DISC1: variants seen among roughly 807,000 people sequenced by gnomAD.
DISC1 encodes the protein disrupted in schizophrenia 1 protein.
In DISC1, 57 loss-of-function variants were observed where a neutral mutation model predicts 84.5. That is an observed-to-expected ratio of 0.67 (90% confidence interval 0.55 to 0.84). DISC1 has a LOEUF of 0.84. DISC1 is among the 40% of genes least tolerant of loss of function. The probability of loss-of-function intolerance (pLI) is 0.00; values close to 1 mark genes in which losing one functional copy is unlikely to be tolerated. For missense variants in DISC1, 1,000 were observed against 1,057.8 expected (o/e 0.95, Z 0.76); for synonymous variants, 411 against 415.2 (o/e 0.99, Z 0.12).
intron 8 of DISC1, among the ~76,000 whole-genome samples, chr1:231,804,609 C>T (rs1282025485): frequency 1.3e-5 from 2 of 152,140 alleles, no homozygotes; most frequent in Non-Finnish European, 2.9e-5. Flanking sequence ...GCATGAGCTC[C>T]TGGCTCAATG....
chr1:231,877,863 A>G (rs77142592), intron 9 of DISC1, among the ~76,000 whole-genome samples: 3 of 152,348 alleles, frequency 2.0e-5, no homozygotes, highest in Non-Finnish European at 4.4e-5. Context: ...AGATGAAAAT[A>G]AAAAATGACT....
At chr1:231,984,477 T>C (rs952726202) in intron 10 of DISC1, among the ~76,000 whole-genome samples, 1 of 152,148 alleles carries the variant, frequency 6.6e-6, no homozygotes, top group Non-Finnish European at 1.5e-5. Flanking sequence ...GATAAAATGT[T>C]CCTCATCCCT....
At chr1:231,790,445 A>G (rs994255005) in intron 6 of DISC1, among the ~76,000 whole-genome samples, 5 of 151,976 alleles carry the variant, frequency 3.3e-5, no homozygotes, top group Admixed American at 2.6e-4. Context: ...TGGCTTGCAG[A>G]CAGCTGTCTT....
At chr1:232,013,865 T>G (rs2103011620) in intron 11 of DISC1, among the ~76,000 whole-genome samples, 1 of 152,238 alleles carries the variant, frequency 6.6e-6, no homozygotes, top group South Asian at 2.1e-4. Flanking sequence ...GAGTCCTAGT[T>G]TCTAAGACTG....
At chr1:231,951,744 A>G (rs1238133519) in intron 9 of DISC1, among the ~76,000 whole-genome samples, 13 of 152,186 alleles carry the variant, frequency 8.5e-5, no homozygotes, top group Admixed American at 7.9e-4. Context: ...AGTGCCTAAC[A>G]TGGAATCTGG....
At chr1:231,686,650 G>A (rs1388656141) in intron 1 of DISC1, among the ~76,000 whole-genome samples, 1 of 152,178 alleles carries the variant, frequency 6.6e-6, no homozygotes, top group Non-Finnish European at 1.5e-5. Context: ...CCGAGGAGAT[G>A]TCTTCCCCAT....
intron 9 of DISC1, among the ~76,000 whole-genome samples, chr1:231,856,701 A>T (rs1167857420): frequency 6.6e-6 from 1 of 152,174 alleles, no homozygotes; most frequent in Non-Finnish European, 1.5e-5. Flanking sequence ...AACTGAAGTC[A>T]TGGTATTTTC....
chr1:231,953,571 A>C (rs1225282240), intron 9 of DISC1, among the ~76,000 whole-genome samples: 2 of 152,230 alleles, frequency 1.3e-5, no homozygotes, highest in Non-Finnish European at 2.9e-5. Flanking sequence ...TCAGAGTTCT[A>C]AAATTTCTCC....
intron 10 of DISC1, among the ~76,000 whole-genome samples, chr1:231,981,081 C>A (rs1235900208): frequency 6.6e-6 from 1 of 152,122 alleles, no homozygotes; most frequent in Non-Finnish European, 1.5e-5. Flanking sequence ...AAGTCTAGGT[C>A]CACAAGCACA....
At chr1:232,022,907 C>T (rs1337520189) in intron 11 of DISC1, among the ~76,000 whole-genome samples, 2 of 152,188 alleles carry the variant, frequency 1.3e-5, no homozygotes, top group African/African-American at 4.8e-5. Flanking sequence ...GATCCTGTAA[C>T]TTGTGCCTTG....
intron 1 of DISC1, among the ~76,000 whole-genome samples, chr1:231,667,150 T>G (rs1267642382): frequency 6.6e-6 from 1 of 152,186 alleles, no homozygotes; most frequent in Non-Finnish European, 1.5e-5. Flanking sequence ...AAGGAGGAAC[T>G]GGTGAAATTA....
chr1:231,814,912 C>A (rs548511928), intron 8 of DISC1: 2 of 149,466 alleles, frequency 1.3e-5, no homozygotes, highest in African/African-American at 4.9e-5. Context: ...AGGACACATC[C>A]CTGTTTCAGA....
intron 9 of DISC1, among the ~76,000 whole-genome samples, chr1:231,867,016 A>G (rs2085110422): frequency 6.6e-6 from 1 of 152,226 alleles, no homozygotes; most frequent in Admixed American, 6.5e-5. Flanking sequence ...AAAATAACAC[A>G]TAAATCAACA....
chr1:231,631,057 G>A (rs934624483), intron 1 of DISC1, among the ~76,000 whole-genome samples: 1 of 152,110 alleles, frequency 6.6e-6, no homozygotes, highest in Admixed American at 6.5e-5. Context: ...TAGACATTAT[G>A]GGGCTCCCTC....
chr1:231,628,462 T>G (rs2125064952), intron 1 of DISC1, among the ~76,000 whole-genome samples: 1 of 152,262 alleles, frequency 6.6e-6, no homozygotes, highest in African/African-American at 2.4e-5. Flanking sequence ...ATCTGCAGGT[T>G]TTTAGAACTT....
At chr1:231,927,492 A>G (rs2090420334) in intron 9 of DISC1, among the ~76,000 whole-genome samples, 1 of 152,150 alleles carries the variant, frequency 6.6e-6, no homozygotes, top group East Asian at 1.9e-4. Context: ...TGCGGACTCC[A>G]TATTACTCTC....
At position 231,674,911 on chromosome 1, in the gene DISC1, C is replaced by T. The variant is rs113578108; in HGVS notation, c.68-18915C>T. On this transcript the variant is annotated intron_variant, in intron 1 of 12. Coordinates refer to ENST00000439617, the MANE Select transcript of DISC1 (RefSeq NM_018662.3). ...TTTGTTTTCACCCCATTCCTACGCCCGCCCAGACTTACCTTTGCTGTCACT... is the reference window on the plus strand; with the variant it reads ...TTTGTTTTCACCCCATTCCTACGCCTGCCCAGACTTACCTTTGCTGTCACT... Among the ~76,000 whole-genome samples the T allele has an allele frequency of 2.7e-3, 409 of 152,276 alleles. 5 individuals are homozygous for T. The highest frequency in any genetic ancestry group is 9.0e-3 in the African/African-American group (375 of 41,536).
intron 1 of DISC1, among the ~76,000 whole-genome samples, chr1:231,632,227 C>A (rs1343281717): frequency 6.6e-6 from 1 of 152,184 alleles, no homozygotes; most frequent in African/African-American, 2.4e-5. Flanking sequence ...GACCTAATGA[C>A]ACATTTCTCA....
At chr1:231,966,154 A>G (rs1339194504) in intron 10 of DISC1, among the ~76,000 whole-genome samples, 1 of 152,164 alleles carries the variant, frequency 6.6e-6, no homozygotes, top group Non-Finnish European at 1.5e-5. Context: ...TCTTGACACT[A>G]TATTCTCAAC....
Sources: allele counts gnomAD v4.1 joint callset (sites outside exome capture counted in the v4.1 genomes callset), GRCh38; gene constraint gnomAD v4.1.1; transcripts MANE v1.5; gene names NCBI Gene and HGNC (gene_info 2026-07-23, HGNC 2026-07-21).